The following ROBO1 variants were observed in gnomAD, a reference collection of about 807,000 sequenced individuals.
The protein encoded by ROBO1 is roundabout guidance receptor 1.
A neutral mutation model predicts 195.9 loss-of-function variants in ROBO1; 149 were observed. The observed-to-expected ratio is 0.76, with a 90% CI of 0.67 to 0.87. The LOEUF (loss-of-function observed/expected upper bound fraction) is 0.87, where lower values mean the gene tolerates loss of function less well. Among genes scored for constraint, ROBO1 ranks in the 40% least tolerant of loss-of-function variants. The pLI, the probability that ROBO1 is intolerant of heterozygous loss-of-function variation, is 0.00. For missense variants in ROBO1, 1,933 were observed against 2,068.3 expected (o/e 0.93, Z 1.27); for synonymous variants, 816 against 733.2 (o/e 1.11, Z -1.82).
chr3:79,223,379 T>A (rs993667189), intron 2 of ROBO1, among the ~76,000 whole-genome samples: 2 of 152,194 alleles, frequency 1.3e-5, no homozygotes. Context: ...GCAGACATTG[T>A]TGATGAACAA....
At chr3:78,980,536 T>C (rs142331437) in intron 3 of ROBO1, among the ~76,000 whole-genome samples, 2 of 152,364 alleles carry the variant, frequency 1.3e-5, no homozygotes, top group African/African-American at 4.8e-5. Flanking sequence ...AAATATCTTC[T>C]TGACTATCTT....
intron 10 of ROBO1, among the ~76,000 whole-genome samples, chr3:78,672,288 T>C (rs1483047734): frequency 6.6e-6 from 1 of 151,962 alleles, no homozygotes; most frequent in African/African-American, 2.4e-5. Context: ...AAATCAGAGA[T>C]GAAAGATTTG....
chr3:78,797,694 T>G (rs1478744624), intron 4 of ROBO1, among the ~76,000 whole-genome samples: 1 of 152,174 alleles, frequency 6.6e-6, no homozygotes, highest in Admixed American at 6.5e-5. Flanking sequence ...ATTAAGTAAT[T>G]TTTGGTATAA....
intron 2 of ROBO1, among the ~76,000 whole-genome samples, chr3:79,342,293 A>AT (rs2034938310): frequency 6.6e-6 from 1 of 152,206 alleles, no homozygotes; most frequent in Non-Finnish European, 1.5e-5. Flanking sequence ...ACAAAGGGAT[A>AT]ACTGTAGCAA....
intron 1 of ROBO1, among the ~76,000 whole-genome samples, chr3:79,615,424 A>C (rs1450874137): frequency 2.6e-5 from 4 of 152,130 alleles, no homozygotes; most frequent in Admixed American, 2.6e-4. Context: ...AAAACATATA[A>C]ATCCAATCTA....
chr3:79,534,918 C>T (rs1362959786), intron 2 of ROBO1, among the ~76,000 whole-genome samples: 1 of 152,126 alleles, frequency 6.6e-6, no homozygotes, highest in Non-Finnish European at 1.5e-5. Flanking sequence ...GCAGCTTTAC[C>T]TCTGACACTG....
intron 2 of ROBO1, among the ~76,000 whole-genome samples, chr3:79,276,182 A>G (rs1016711921): frequency 1.3e-5 from 2 of 152,100 alleles, no homozygotes; most frequent in Non-Finnish European, 2.9e-5. Context: ...CTGAGCAAAA[A>G]GAACAAAACT....
chr3:78,769,102 C>A (rs1466932408), intron 4 of ROBO1, among the ~76,000 whole-genome samples: 4 of 151,966 alleles, frequency 2.6e-5, no homozygotes, highest in Non-Finnish European at 5.9e-5. Context: ...TAGTTTACAT[C>A]CATTGTTTCT....
At chr3:78,952,976 T>A (rs2040864301) in intron 3 of ROBO1, among the ~76,000 whole-genome samples, 1 of 152,044 alleles carries the variant, frequency 6.6e-6, no homozygotes, top group Non-Finnish European at 1.5e-5. Context: ...AAAAGGAAAT[T>A]CCAGGAGTGA....
intron 3 of ROBO1, among the ~76,000 whole-genome samples, chr3:78,953,609 G>A (rs539448575): frequency 6.6e-6 from 1 of 152,080 alleles, no homozygotes; most frequent in Non-Finnish European, 1.5e-5. Context: ...GACACCAGTA[G>A]AAGAAACTGG....
intron 3 of ROBO1, among the ~76,000 whole-genome samples, chr3:78,998,512 G>A (rs1272170142): frequency 1.3e-5 from 2 of 152,064 alleles, no homozygotes; most frequent in Non-Finnish European, 2.9e-5. Flanking sequence ...AAACGCTTAG[G>A]TGGACAACCC....
intron 2 of ROBO1, among the ~76,000 whole-genome samples, chr3:79,214,168 ATTG>A (rs2082014227): frequency 6.6e-6 from 1 of 151,972 alleles, no homozygotes; most frequent in South Asian, 2.1e-4. Flanking sequence ...ACCATGGCAA[ATTG>A]TTGTTGTTAT....
rs144753799 is a variant in ROBO1, at chr3:79,114,116, C to G, written c.172+11340G>C. Among the ~76,000 whole-genome samples the G allele has an allele frequency of 4.3e-3, 658 of 152,222 alleles. 20 individuals carry two copies. Among genetic ancestry groups the G allele is most frequent in the Admixed American group, 0.04 (610 of 15,286 alleles). ...CTTCATGTAAGACTTGCCTTGCCTC[C>G]CTTTATCCTTCTGCTATGATTATGA... On this transcript the variant is annotated intron_variant, in intron 3 of 30. Transcript: ENST00000464233.
chr3:79,427,230 GAAC>G (rs2038481454), intron 2 of ROBO1, among the ~76,000 whole-genome samples: 2 of 152,080 alleles, frequency 1.3e-5, no homozygotes, highest in Admixed American at 1.3e-4. Flanking sequence ...TTGTACATAT[GAAC>G]AACTATTGTA....
At chr3:78,903,746 A>T (rs2037727650) in intron 4 of ROBO1, among the ~76,000 whole-genome samples, 1 of 152,182 alleles carries the variant, frequency 6.6e-6, no homozygotes, top group South Asian at 2.1e-4. Flanking sequence ...TCATGGAATC[A>T]AATTTATTTT....
chr3:79,382,699 G>A (rs2036613129), intron 2 of ROBO1, among the ~76,000 whole-genome samples: 1 of 152,086 alleles, frequency 6.6e-6, no homozygotes, highest in African/African-American at 2.4e-5. Flanking sequence ...TCTCATTACA[G>A]TCTCAATTTA....
intron 2 of ROBO1, among the ~76,000 whole-genome samples, chr3:79,300,741 C>G (rs572531002): frequency 6.6e-6 from 1 of 152,172 alleles, no homozygotes; most frequent in Non-Finnish European, 1.5e-5. Flanking sequence ...ATACACCAAT[C>G]GGCACTCTGT....
intron 1 of ROBO1, among the ~76,000 whole-genome samples, chr3:79,645,434 C>G (rs565431902): frequency 1.3e-5 from 2 of 151,868 alleles, no homozygotes; most frequent in Admixed American, 6.6e-5. Context: ...CCCAGGAGTT[C>G]GAGGCTGCAG....
At chr3:79,498,373 T>G (rs182316173) in intron 2 of ROBO1, among the ~76,000 whole-genome samples, 332 of 152,320 alleles carry the variant, frequency 2.2e-3, no homozygotes, top group Non-Finnish European at 4.0e-3. Flanking sequence ...TAAAACTATG[T>G]TATTATAAAT....
Sources: gnomAD v4.1 joint callset for allele counts (sites outside exome capture counted in the v4.1 genomes callset) on GRCh38, gnomAD v4.1.1 for gene constraint, MANE v1.5 for transcripts, NCBI Gene and HGNC (gene_info 2026-07-23, HGNC 2026-07-21) for gene names.